DSCAML1: variants seen among roughly 807,000 people sequenced by gnomAD.
DSCAML1 encodes cell adhesion molecule DSCAML1.
Under a neutral mutation model 200.5 loss-of-function variants are expected in DSCAML1, and 38 were observed. That is an observed-to-expected ratio of 0.19 (90% CI 0.15 to 0.25). The LOEUF (loss-of-function observed/expected upper bound fraction) is 0.25. DSCAML1 is among the 10% of genes least tolerant of loss of function. The pLI is 1.00. For synonymous variants in DSCAML1, 1,215 were observed against 1,165.0 expected (o/e 1.04, Z -0.87); for missense variants, 2,223 against 2,858.8 (o/e 0.78, Z 5.07).
chr11:117,770,531 C>T (rs2055017934), intron 3 of DSCAML1, among the ~76,000 whole-genome samples: 1 of 152,004 alleles, frequency 6.6e-6, no homozygotes, highest in Admixed American at 6.6e-5. Context: ...CCAGTGTCCT[C>T]CATTCCACAG....
Position 117,757,573 on chromosome 11 carries a change from T to TACACACACACACACAC in DSCAML1, c.511+19202_511+19217dup, listed in dbSNP as rs5795104. On this transcript the variant is annotated intron_variant, in intron 3 of 32. Coordinates refer to ENST00000651296, the MANE Select transcript of DSCAML1 (RefSeq NM_020693.4). ...GCATTTTTAACCAATTAGGAGCCTA[T>TACACACACACACACAC]ACACACACACACACACACACACACA... 2.0e-4 allele frequency among the ~76,000 whole-genome samples: 30 copies of TACACACACACACACAC among 146,908 alleles called. 1 individual carries two copies. Among genetic ancestry groups the TACACACACACACACAC allele is most frequent in the Middle Eastern group, 3.5e-3 (1 of 288 alleles).
At chr11:117,590,665 G>A (rs911092538) in intron 3 of DSCAML1, among the ~76,000 whole-genome samples, 46 of 152,294 alleles carry the variant, frequency 3.0e-4, no homozygotes, top group African/African-American at 1.1e-3. Flanking sequence ...TCTGGATGGC[G>A]TCTGGGGACC....
chr11:117,518,802 A>G lies in DSCAML1; in HGVS notation c.1214-40T>C, dbSNP rs3819210. On this transcript the variant is annotated intron_variant, in intron 6 of 32. Coordinates refer to ENST00000651296, the MANE Select transcript of DSCAML1 (RefSeq NM_020693.4). This position sits in a 1 kb window ranked among gnomAD's most constrained non-coding sequence, Gnocchi z 6.3. ...AAGCCCCCTTCAGGGTCACCAAGCC[A>G]TGGAGAGACGGTCCCCCCAGCCACC... The G allele has an allele frequency of 0.2, 314,314 of 1,575,738 alleles. 33,058 individuals carry two copies. The highest frequency in any genetic ancestry group is 0.33 in the South Asian group (27,935 of 85,944).
In DSCAML1 at chr11:117,589,579, T is replaced by G. The variant is rs2051218355; in HGVS notation, c.512-57057A>C. 2.0e-5 allele frequency among the ~76,000 whole-genome samples: 3 copies of G among 152,316 alleles called. No homozygotes were observed. The South Asian group carries it at 6.2e-4, about 32-fold the overall frequency. On this transcript the variant is annotated intron_variant, in intron 3 of 32. Transcript: ENST00000651296. ...CAGGGATCTTAGGTAAATATAATAA[T>G]GTTGATAATGATAATCGATGCTTAT...
intron 3 of DSCAML1, among the ~76,000 whole-genome samples, chr11:117,716,533 C>T (rs2053954668): frequency 6.6e-6 from 1 of 152,158 alleles, no homozygotes; most frequent in Non-Finnish European, 1.5e-5. Flanking sequence ...CCCATCAGAA[C>T]AGGTGGGCGT....
intron 3 of DSCAML1, among the ~76,000 whole-genome samples, chr11:117,568,449 T>C (rs369961804): frequency 2.0e-5 from 3 of 152,208 alleles, no homozygotes; most frequent in East Asian, 3.9e-4. Flanking sequence ...TGTTTGCAGA[T>C]GACATGATTG....
At chr11:117,603,501 A>T (rs1244477442) in intron 3 of DSCAML1, among the ~76,000 whole-genome samples, 1 of 152,228 alleles carries the variant, frequency 6.6e-6, no homozygotes, top group Non-Finnish European at 1.5e-5. Context: ...TGAACTACCT[A>T]TGCCAAAGTT....
intron 3 of DSCAML1, among the ~76,000 whole-genome samples, chr11:117,627,063 G>A (rs11216474): frequency 0.43 from 65,587 of 152,040 alleles, 15,556 homozygotes; most frequent in Non-Finnish European, 0.52. Context: ...AAATAACCTC[G>A]AATGGTATAG....
intron 1 of DSCAML1, among the ~76,000 whole-genome samples, chr11:117,812,367 T>C (rs898186091): frequency 2.0e-5 from 3 of 152,190 alleles, no homozygotes; most frequent in African/African-American, 7.2e-5. Context: ...CCATTTTACC[T>C]GTCCTAAAAC....
chr11:117,477,198 GAC>G (rs60376380), intron 14 of DSCAML1, among the ~76,000 whole-genome samples: 7,307 of 144,542 alleles, frequency 0.051, 248 homozygotes, highest in Non-Finnish European at 0.073. Flanking sequence ...GCTGTCCTTA[GAC>G]ACACACACAC....
chr11:117,797,179 C>T lies in DSCAML1; in HGVS notation c.-100G>A. On this transcript the variant is annotated 5_prime_UTR_variant, in exon 1 of 33. Coordinates refer to ENST00000651296, the MANE Select transcript of DSCAML1 (RefSeq NM_020693.4). Reference sequence around the variant, plus strand: ...CGCGCTCCCAGCCGCCCGCACTCGGCGCCCCGCTCTCTCTGCTCCTCAGCC... The same window carrying T: ...CGCGCTCCCAGCCGCCCGCACTCGGTGCCCCGCTCTCTCTGCTCCTCAGCC... 1 of 1,571,226 alleles carries T rather than the reference C, an allele frequency of 6.4e-7. No individual in the cohort carries two copies. The highest frequency in any genetic ancestry group is 8.6e-7 in the Non-Finnish European group (1 of 1,160,560).
At chr11:117,461,098 A>G (rs187239230) in intron 18 of DSCAML1, among the ~76,000 whole-genome samples, 15 of 152,040 alleles carry the variant, frequency 9.9e-5, no homozygotes, top group African/African-American at 3.4e-4. Context: ...ATCTGCCCCT[A>G]TCATGCCCCC....
At chr11:117,564,635 C>T (rs956957681) in intron 3 of DSCAML1, among the ~76,000 whole-genome samples, 1 of 152,066 alleles carries the variant, frequency 6.6e-6, no homozygotes, top group Non-Finnish European at 1.5e-5. Context: ...TCAAACCTCT[C>T]TCTCTCTCTT....
At chr11:117,592,789 C>T (rs956108962) in intron 3 of DSCAML1, among the ~76,000 whole-genome samples, 5 of 152,360 alleles carry the variant, frequency 3.3e-5, no homozygotes, top group Non-Finnish European at 7.3e-5. Context: ...GGTCACCCAG[C>T]CCATACATGA....
At chr11:117,677,415 G>C (rs1276227091) in intron 3 of DSCAML1, among the ~76,000 whole-genome samples, 1 of 152,170 alleles carries the variant, frequency 6.6e-6, no homozygotes, top group Non-Finnish European at 1.5e-5. Context: ...TTCCCTGTGT[G>C]TGTCAGAAGA....
intron 3 of DSCAML1, among the ~76,000 whole-genome samples, chr11:117,634,467 C>T (rs2052237106): frequency 6.6e-6 from 1 of 152,202 alleles, no homozygotes; most frequent in Admixed American, 6.5e-5. Context: ...AAGGCCCGTC[C>T]AGCTCCTAGA....
In DSCAML1 at chr11:117,428,364, C is replaced by A; in HGVS notation, c.6126G>T (p.Gly2042=). ...TGTAGGATTTGGAGTAGGCCCCGGC[C>A]CCCTGCTTCTGAGACCTCCCTACCC... ...TSGVGRSQKQ[G]AGAYSKSYTL... is the part of the protein sequence containing the mutation. The change falls in exon 33 of 33, where the codon GGG becomes GGT. Residue 2042 remains glycine, a synonymous_variant. Coordinates refer to ENST00000651296, the MANE Select transcript of DSCAML1 (RefSeq NM_020693.4). 6.3e-7 allele frequency: 1 copy of A among 1,586,910 alleles called. No individual in the cohort carries two copies. The highest frequency in any genetic ancestry group is 8.6e-7 in the Non-Finnish European group (1 of 1,165,034).
At chr11:117,470,892 G>A (rs187569572) in intron 15 of DSCAML1, among the ~76,000 whole-genome samples, 1 of 152,202 alleles carries the variant, frequency 6.6e-6, no homozygotes, top group Admixed American at 6.5e-5. Context: ...AAGAATAGAT[G>A]AAGTATGATG....
At chr11:117,440,363 T>A (rs2048018649) in intron 21 of DSCAML1, among the ~76,000 whole-genome samples, 1 of 152,110 alleles carries the variant, frequency 6.6e-6, no homozygotes, top group Admixed American at 6.5e-5. Flanking sequence ...GAATAGCATC[T>A]GGAATTGGAA....
Sources: allele counts gnomAD v4.1 joint callset (sites outside exome capture counted in the v4.1 genomes callset), GRCh38; gene constraint gnomAD v4.1.1; non-coding constraint Gnocchi (gnomAD v3.1); transcripts MANE v1.5; gene names NCBI Gene and HGNC (gene_info 2026-07-23, HGNC 2026-07-21).